FBXL13: variants seen among roughly 807,000 people sequenced by gnomAD.
FBXL13 encodes the protein F-box and leucine rich repeat protein 13.
FBXL13 carries 67 observed loss-of-function variants against 83.6 expected under a neutral mutation model. The ratio of observed to expected loss-of-function variants is 0.80; its 90% CI spans 0.66 to 0.98. The LOEUF (loss-of-function observed/expected upper bound fraction) is 0.98. Among genes scored for constraint, FBXL13 ranks in the 50% least tolerant of loss-of-function variants. The pLI, the probability that FBXL13 is intolerant of heterozygous loss-of-function variation, is 0.00. For missense variants in FBXL13, 822 were observed against 866.5 expected (o/e 0.95, Z 0.64); for synonymous variants, 272 against 299.5 (o/e 0.91, Z 0.95).
rs56060851 is a variant in FBXL13, at chr7:102,967,270, C to CT, written c.591+751dup. Among the ~76,000 whole-genome samples, 687 of 148,862 alleles carry CT rather than the reference C, an allele frequency of 4.6e-3. 1 individual carries two copies. Among genetic ancestry groups the CT allele is most frequent in the African/African-American group, 7.3e-3 (293 of 40,006 alleles). On this transcript the variant is annotated intron_variant, in intron 7 of 19. Coordinates refer to ENST00000313221, the Ensembl canonical transcript of FBXL13. ...ACTGCACCCAGCCAATCCTCTCTTT[C>CT]TTTTTTTTTTTTTTTTGAATGATAC...
chr7:102,967,270 CTTTTTTTTT>C (rs56060851), intron 7 of FBXL13, among the ~76,000 whole-genome samples: 24 of 148,950 alleles, frequency 1.6e-4, no homozygotes, highest in South Asian at 4.2e-4. Context: ...TCCTCTCTTT[CTTTTTTTTT>C]TTTTTTTGAA....
intron 6 of FBXL13, among the ~76,000 whole-genome samples, chr7:102,978,976 T>C (rs1007445768): frequency 2.6e-5 from 4 of 152,208 alleles, no homozygotes; most frequent in Admixed American, 2.0e-4. Flanking sequence ...TCAGTGCTCC[T>C]GTAAAAAGCA....
At chr7:103,013,131 A>G (rs1450700900) in intron 6 of FBXL13, among the ~76,000 whole-genome samples, 3 of 152,238 alleles carry the variant, frequency 2.0e-5, no homozygotes, top group Non-Finnish European at 4.4e-5. Flanking sequence ...CCAGATTCAT[A>G]AAGTCAGTTC....
intron 8 of FBXL13, among the ~76,000 whole-genome samples, chr7:102,950,889 C>T (rs1264400792): frequency 1.3e-5 from 2 of 151,952 alleles, no homozygotes; most frequent in South Asian, 2.1e-4. Flanking sequence ...CAGAGGATTC[C>T]TAGGGGAATG....
chr7:103,034,193 G>A (rs182742082), intron 2 of FBXL13, among the ~76,000 whole-genome samples: 1,685 of 152,294 alleles, frequency 0.011, 35 homozygotes, highest in African/African-American at 0.039. Context: ...AGTGGATCTC[G>A]CACTGGGGCT....
chr7:102,821,508 A>G (rs1230356316), intron 19 of FBXL13, among the ~76,000 whole-genome samples: 1 of 152,190 alleles, frequency 6.6e-6, no homozygotes, highest in East Asian at 1.9e-4. Flanking sequence ...CTTGAGCCAC[A>G]TTGTACACTT....
At chr7:102,963,725 A>G (rs936851234) in intron 7 of FBXL13, 60 bp from the exon 9 acceptor site, 56 of 1,506,460 alleles carry the variant, frequency 3.7e-5, no homozygotes, top group Non-Finnish European at 4.7e-5. Context: ...CAATTGCAAC[A>G]AAAACAATAA....
chr7:102,980,032 G>A (rs1827988384), intron 6 of FBXL13, among the ~76,000 whole-genome samples: 1 of 152,140 alleles, frequency 6.6e-6, no homozygotes. Context: ...ATACTAAGAT[G>A]TCAATACTAT....
At chr7:103,036,029 T>G (rs1795033827) in intron 2 of FBXL13, among the ~76,000 whole-genome samples, 1 of 152,132 alleles carries the variant, frequency 6.6e-6, no homozygotes, top group Non-Finnish European at 1.5e-5. Context: ...CCTCCTGAGC[T>G]CCACCTCATC....
intron 2 of FBXL13, among the ~76,000 whole-genome samples, chr7:103,054,157 G>GGCAATCT (rs3046436): frequency 0.56 from 85,632 of 151,746 alleles, 26,973 homozygotes; most frequent in Non-Finnish European, 0.7. Flanking sequence ...GGCTGAGGCA[G>GGCAATCT]GTGGATTGCC....
chr7:103,073,015 T>C (rs1247645248), intron 1 of FBXL13, among the ~76,000 whole-genome samples: 2 of 152,190 alleles, frequency 1.3e-5, no homozygotes, highest in African/African-American at 4.8e-5. Flanking sequence ...ATGGGTACCA[T>C]TCTCCCTACA....
intron 18 of FBXL13, among the ~76,000 whole-genome samples, chr7:102,828,678 C>T (rs939114587): frequency 6.6e-6 from 1 of 152,230 alleles, no homozygotes; most frequent in African/African-American, 2.4e-5. Flanking sequence ...TTACTCTCAT[C>T]TCCCAGTGTT....
chr7:102,972,072 A>T (rs1002832822), intron 6 of FBXL13, among the ~76,000 whole-genome samples: 7 of 152,078 alleles, frequency 4.6e-5, no homozygotes, highest in Non-Finnish European at 1.0e-4. Context: ...ATAGACTGAG[A>T]GTTTGCTTCC....
At chr7:102,980,689 A>G (rs2129483362) in intron 6 of FBXL13, among the ~76,000 whole-genome samples, 1 of 152,212 alleles carries the variant, frequency 6.6e-6, no homozygotes, top group East Asian at 1.9e-4. Context: ...AGTCAGGAGA[A>G]TGGTGTGAAC....
chr7:103,023,990 G>A (rs954440072), intron 6 of FBXL13, among the ~76,000 whole-genome samples: 8 of 152,170 alleles, frequency 5.3e-5, no homozygotes, highest in East Asian at 3.9e-4. Flanking sequence ...GGAGGTGGGA[G>A]GATGGTGAGG....
intron 8 of FBXL13, among the ~76,000 whole-genome samples, chr7:102,955,910 A>C (rs1824187790): frequency 6.6e-6 from 1 of 152,154 alleles, no homozygotes; most frequent in Non-Finnish European, 1.5e-5. Flanking sequence ...CAACCAAAAA[A>C]AGACCAGGAC....
chr7:102,827,261 T>C (rs1019804661), intron 18 of FBXL13: 1 of 392,114 alleles, frequency 2.6e-6, no homozygotes, highest in African/African-American at 2.0e-5. Flanking sequence ...CTGGGTCCCC[T>C]AGGCCAACCA....
Position 102,968,033 on chromosome 7 carries a change from G to A in FBXL13, c.580C>T (p.Leu194=), listed in dbSNP as rs772997232. The stretch of plus-strand genomic sequence containing the variant: ...TAGTATCTACTTACAGCATTCCACA[G>A]TGAGTTTAGTTGTGTCATCAACATC... Residue 194 remains leucine (L), a synonymous_variant, in exon 7 of 20, where the codon CTG becomes TTG. Coordinates refer to ENST00000313221, the Ensembl canonical transcript of FBXL13. 1.9e-6 allele frequency: 3 copies of A among 1,612,406 alleles called. No individual in the cohort carries two copies. In the East Asian group the frequency reaches 6.7e-5, roughly 36 times the overall value.
intron 6 of FBXL13, among the ~76,000 whole-genome samples, chr7:102,977,258 C>T (rs935814622): frequency 1.3e-5 from 2 of 152,142 alleles, no homozygotes; most frequent in African/African-American, 2.4e-5. Context: ...TAATCACTAA[C>T]CAAACCGCCT....
Sources: allele counts gnomAD v4.1 joint callset (sites outside exome capture counted in the v4.1 genomes callset), GRCh38; gene constraint gnomAD v4.1.1; transcripts MANE v1.5; gene names NCBI Gene and HGNC (gene_info 2026-07-23, HGNC 2026-07-21).